The following ST6GALNAC3 variants were observed in gnomAD, a reference collection of about 807,000 sequenced individuals.
ST6GALNAC3 encodes the protein ST6 N-acetylgalactosaminide alpha-2,6-sialyltransferase 3, also known as alpha-N-acetylgalactosaminide alpha-2,6-sialyltransferase 3.
In ST6GALNAC3, 25 loss-of-function variants were observed where a neutral mutation model predicts 32.7. The observed-to-expected ratio is 0.76, with a 90% CI of 0.56 to 1.07. The LOEUF is 1.07. ST6GALNAC3 is among the 50% of genes least tolerant of loss of function. The pLI is 0.00. For synonymous variants in ST6GALNAC3, 129 were observed against 133.1 expected (o/e 0.97, Z 0.21); for missense variants, 355 against 382.4 (o/e 0.93, Z 0.60).
At chr1:76,349,734 A>G (rs1005918424) in intron 2 of ST6GALNAC3, among the ~76,000 whole-genome samples, 2 of 152,174 alleles carry the variant, frequency 1.3e-5, no homozygotes, top group Admixed American at 6.5e-5. Context: ...GATTTATCTC[A>G]TGCTTCTTTC....
At chr1:76,161,788 A>G (rs763250242) in intron 1 of ST6GALNAC3, among the ~76,000 whole-genome samples, 9 of 152,232 alleles carry the variant, frequency 5.9e-5, no homozygotes, top group Admixed American at 1.3e-4. Context: ...TGATTTGGAC[A>G]GGGTCTGTAC....
At chr1:76,118,870 C>T (rs865964865) in intron 1 of ST6GALNAC3, among the ~76,000 whole-genome samples, 6 of 152,018 alleles carry the variant, frequency 3.9e-5, no homozygotes, top group African/African-American at 7.3e-5. Context: ...TCGCCCAGGC[C>T]GGAGTGCAGT....
At position 76,572,049 on chromosome 1, in the gene ST6GALNAC3, G is replaced by A. The variant is rs11806882; in HGVS notation, c.624-55403G>A. Among the ~76,000 whole-genome samples the A allele has an allele frequency of 6.5e-3, 993 of 151,984 alleles. 7 individuals carry two copies. The highest frequency in any genetic ancestry group is 0.023 in the African/African-American group (950 of 41,458). On this transcript the variant is annotated intron_variant, in intron 3 of 4. Transcript: ENST00000328299. ...CTTAAACAAGTTAAATATTCCTCAT[G>A]GAAAAATAATTAGCCAATTCCTTAA...
intron 1 of ST6GALNAC3, among the ~76,000 whole-genome samples, chr1:76,248,235 G>A (rs1657418513): frequency 6.6e-6 from 1 of 152,192 alleles, no homozygotes; most frequent in South Asian, 2.1e-4. Context: ...GGGAGCTGCA[G>A]ACCAGAGCTG....
intron 1 of ST6GALNAC3, among the ~76,000 whole-genome samples, chr1:76,198,417 A>G (rs1654330273): frequency 6.6e-6 from 1 of 152,220 alleles, no homozygotes; most frequent in Non-Finnish European, 1.5e-5. Flanking sequence ...TACCTTTTGG[A>G]CATTCATTTA....
chr1:76,196,778 T>A (rs959833771), intron 1 of ST6GALNAC3, among the ~76,000 whole-genome samples: 1 of 152,170 alleles, frequency 6.6e-6, no homozygotes, highest in Non-Finnish European at 1.5e-5. Flanking sequence ...ATACTTTTTT[T>A]AAAGAGTGTA....
At chr1:76,480,255 A>G (rs1659636846) in intron 3 of ST6GALNAC3, among the ~76,000 whole-genome samples, 1 of 152,184 alleles carries the variant, frequency 6.6e-6, no homozygotes. Flanking sequence ...TTTGAAATTC[A>G]TTTTTCCCAG....
chr1:76,146,457 G>A (rs551073495), intron 1 of ST6GALNAC3, among the ~76,000 whole-genome samples: 3 of 152,104 alleles, frequency 2.0e-5, no homozygotes, highest in Non-Finnish European at 2.9e-5. Context: ...TCTGTTAGTG[G>A]CATCTTGGCA....
At chr1:76,520,149 A>G (rs1662422843) in intron 3 of ST6GALNAC3, among the ~76,000 whole-genome samples, 1 of 152,014 alleles carries the variant, frequency 6.6e-6, no homozygotes, top group African/African-American at 2.4e-5. Flanking sequence ...AATGTTTAGT[A>G]ATTGATTATG....
intron 1 of ST6GALNAC3, among the ~76,000 whole-genome samples, chr1:76,094,418 A>G (rs1033206342): frequency 1.3e-5 from 2 of 152,210 alleles, no homozygotes; most frequent in Admixed American, 6.5e-5. Context: ...CCCAAGTGCT[A>G]GGCATGATTT....
intron 1 of ST6GALNAC3, among the ~76,000 whole-genome samples, chr1:76,294,488 G>A (rs1660278522): frequency 6.6e-6 from 1 of 152,006 alleles, no homozygotes; most frequent in Non-Finnish European, 1.5e-5. Context: ...AAAATAAATT[G>A]AACATAGTGG....
At position 76,620,755 on chromosome 1, in the gene ST6GALNAC3, C is replaced by A. The variant is rs1570467914; in HGVS notation, c.624-6697C>A. 2.6e-5 allele frequency among the ~76,000 whole-genome samples: 4 copies of A among 152,184 alleles called. No homozygotes were observed. The Middle Eastern group carries it at 0.014, about 518-fold the overall frequency. ...ACCAGACTGGGGACTACGGCCTCAA[C>A]ATATGAATTTGGGGGAACAAAATTC... On this transcript the variant is annotated intron_variant, in intron 3 of 4. Coordinates refer to ENST00000328299, the MANE Select transcript of ST6GALNAC3 (RefSeq NM_152996.4).
chr1:76,471,865 C>A lies in ST6GALNAC3; in HGVS notation c.623+59448C>A, dbSNP rs144106911. Among the ~76,000 whole-genome samples, 407 of 151,724 alleles carry A rather than the reference C, an allele frequency of 2.7e-3. 4 individuals carry two copies. Among genetic ancestry groups the A allele is most frequent in the African/African-American group, 9.2e-3 (379 of 41,378 alleles). ...TTCTAAGTTGAGCAGGATTTGGGTC[C>A]CCTTTTTTTTTTTTAACAACAGGGA... On this transcript the variant is annotated intron_variant, in intron 3 of 4. Coordinates refer to ENST00000328299, the MANE Select transcript of ST6GALNAC3 (RefSeq NM_152996.4).
chr1:76,188,293 C>T (rs1653691665), intron 1 of ST6GALNAC3, among the ~76,000 whole-genome samples: 2 of 152,086 alleles, frequency 1.3e-5, no homozygotes, highest in South Asian at 2.1e-4. Flanking sequence ...ACCCGGAAGG[C>T]GGAGGTTGCA....
intron 1 of ST6GALNAC3, among the ~76,000 whole-genome samples, chr1:76,132,308 G>A (rs1233467186): frequency 1.3e-5 from 2 of 152,140 alleles, no homozygotes; most frequent in Admixed American, 1.3e-4. Context: ...TCTGAGCTGG[G>A]TATTGGGAAA....
intron 3 of ST6GALNAC3, among the ~76,000 whole-genome samples, chr1:76,463,492 G>A (rs1444000104): frequency 1.3e-5 from 2 of 152,240 alleles, no homozygotes; most frequent in Non-Finnish European, 2.9e-5. Context: ...CTTTTGATCG[G>A]TTGAGCAGCA....
At chr1:76,145,647 C>A (rs893006437) in intron 1 of ST6GALNAC3, among the ~76,000 whole-genome samples, 4 of 152,146 alleles carry the variant, frequency 2.6e-5, no homozygotes, top group Non-Finnish European at 5.9e-5. Context: ...CTGTTTAAGT[C>A]GATATGTCTG....
intron 3 of ST6GALNAC3, among the ~76,000 whole-genome samples, chr1:76,532,101 G>A (rs1557537272): frequency 6.6e-6 from 1 of 152,098 alleles, no homozygotes; most frequent in Non-Finnish European, 1.5e-5. Context: ...CTGCCCATTT[G>A]GAGGCATTGC....
chr1:76,431,822 C>T (rs955476588), intron 3 of ST6GALNAC3, among the ~76,000 whole-genome samples: 3 of 152,122 alleles, frequency 2.0e-5, no homozygotes, highest in Non-Finnish European at 4.4e-5. Context: ...GATGAACCTG[C>T]AGTGACACAT....
Sources: allele counts gnomAD v4.1 joint callset (sites outside exome capture counted in the v4.1 genomes callset), GRCh38; gene constraint gnomAD v4.1.1; transcripts MANE v1.5; gene names NCBI Gene and HGNC (gene_info 2026-07-23, HGNC 2026-07-21).